Variants in TRIM27 observed in about 807,000 individuals in gnomAD.
TRIM27 encodes zinc finger protein RFP.
Under a neutral mutation model 57.6 loss-of-function variants are expected in TRIM27, and 12 were observed. The observed-to-expected ratio is 0.21, with a 90% CI of 0.13 to 0.34. The LOEUF is 0.34. Ranked by LOEUF, TRIM27 falls within the 10% of genes least tolerant of loss-of-function variation. The pLI is 1.00. For missense variants in TRIM27, 403 were observed against 656.8 expected, an observed-to-expected ratio of 0.61 and a Z score of 4.22; for synonymous variants, 266 against 259.0, an observed-to-expected ratio of 1.03 and a Z score of -0.26.
chr6:28,910,487 G>A (rs980415115), intron 4 of TRIM27, among the ~76,000 whole-genome samples: 2 of 152,020 alleles, frequency 1.3e-5, no homozygotes, highest in African/African-American at 2.4e-5. Flanking sequence ...GCACCACCAC[G>A]CCCAGCTAAT....
Position 28,923,912 on chromosome 6 carries a change from C to CA in TRIM27, c.-281dup. The CA allele has an allele frequency of 4.5e-6, 2 of 440,720 alleles. No individual in the cohort carries two copies. Among genetic ancestry groups the CA allele is most frequent in the Non-Finnish European group, 8.0e-6 (2 of 249,942 alleles). 27.3% of individuals were successfully genotyped at this position (440,720 alleles called of 1,614,324 possible). A position where few individuals can be genotyped will look rare whatever the true frequency, so the allele number is the denominator to read the frequency against. On this transcript the variant is annotated 5_prime_UTR_variant, in exon 1 of 8. Transcript: ENST00000377199. ...GGGGCAGGAAAGGGTAGCCGAGGGT[C>CA]AGAGTCCCAGGGCCAGGCGGGCAAA...
chr6:28,922,383 G>A (rs905409197), intron 1 of TRIM27, among the ~76,000 whole-genome samples: 6 of 152,188 alleles, frequency 3.9e-5, no homozygotes, highest in African/African-American at 1.4e-4. Context: ...TTTCCCTCAT[G>A]TGTGAAATGG....
intron 2 of TRIM27, 87 bp downstream of exon 2, chr6:28,921,805 T>A: frequency 9.1e-7 from 1 of 1,098,114 alleles, no homozygotes; most frequent in Non-Finnish European, 1.4e-6. Context: ...CTGGGTGACA[T>A]GCTGGACAAG....
chr6:28,913,114 G>A (rs1455347969), intron 3 of TRIM27, among the ~76,000 whole-genome samples: 1 of 151,860 alleles, frequency 6.6e-6, no homozygotes, highest in Admixed American at 6.6e-5. Flanking sequence ...AATTAGCCGG[G>A]CATGGTGGCG....
chr6:28,917,987 C>T (rs1380866400), intron 3 of TRIM27, among the ~76,000 whole-genome samples: 1 of 151,980 alleles, frequency 6.6e-6, no homozygotes, highest in Non-Finnish European at 1.5e-5. Context: ...CCACCACACC[C>T]GGCTAATTTT....
At position 28,923,203 on chromosome 6, in the gene TRIM27, G is replaced by A. The variant is rs1774186316; in HGVS notation, c.420+10C>T. The A allele has an allele frequency of 5.2e-6, 8 of 1,545,176 alleles. No individual in the cohort carries two copies. The highest frequency in any genetic ancestry group is 7.0e-6 in the Non-Finnish European group (8 of 1,141,332). On this transcript the variant is annotated intron_variant, in intron 1 of 7. Coordinates refer to ENST00000377199, the MANE Select transcript of TRIM27 (RefSeq NM_006510.5). ...CTCGCGCTCCCGCCCTCCCGGATCC[G>A]CGCCCTCACCTTGAAGCCCTCCACC...
chr6:28,913,303 ATG>A (rs1214366549), intron 3 of TRIM27, among the ~76,000 whole-genome samples: 2 of 149,034 alleles, frequency 1.3e-5, no homozygotes, highest in Non-Finnish European at 3.0e-5. Context: ...ACGTATGTAT[ATG>A]TGTGTGTATA....
At chr6:28,911,921 C>T (rs925134557) in intron 3 of TRIM27, among the ~76,000 whole-genome samples, 1 of 152,152 alleles carries the variant, frequency 6.6e-6, no homozygotes, top group African/African-American at 2.4e-5. Context: ...GCTATACCAG[C>T]ATTTCCCATA....
At chr6:28,915,230 T>C (rs1455811768) in intron 3 of TRIM27, 1 of 150,822 alleles carries the variant, frequency 6.6e-6, no homozygotes, top group African/African-American at 2.4e-5. Flanking sequence ...GACTTCTTTC[T>C]TTCTCTCCTT....
intron 3 of TRIM27, among the ~76,000 whole-genome samples, chr6:28,913,047 G>C (rs544215530): frequency 6.6e-6 from 1 of 151,978 alleles, no homozygotes; most frequent in African/African-American, 2.4e-5. Flanking sequence ...CCTGAGGTCG[G>C]GAGTTTGGGA....
At chr6:28,907,713 G>T in intron 6 of TRIM27, 1 of 409,512 alleles carries the variant, frequency 2.4e-6, no homozygotes, top group Non-Finnish European at 4.8e-6. Flanking sequence ...CTTTATAGTT[G>T]AAACAGAATT....
intron 3 of TRIM27, among the ~76,000 whole-genome samples, chr6:28,917,674 C>T (rs1339663788): frequency 1.3e-5 from 2 of 151,944 alleles, no homozygotes; most frequent in African/African-American, 4.8e-5. Context: ...TCTCGCAAAC[C>T]AACTGTCTTT....
chr6:28,907,045 C>T, intron 7 of TRIM27, 191 bp downstream of exon 7: 1 of 561,240 alleles, frequency 1.8e-6, no homozygotes, highest in South Asian at 2.4e-5. Flanking sequence ...AGCTCTGAGA[C>T]ATTTCAGGAG....
At chr6:28,920,362 A>G in intron 2 of TRIM27, 120 bp from the exon 3 acceptor site, 1 of 777,280 alleles carries the variant, frequency 1.3e-6, no homozygotes, top group Non-Finnish European at 2.0e-6. Context: ...GCACAGTGCT[A>G]ACTCATTATT....
rs1023703012 is a variant in TRIM27, at chr6:28,921,784, AC to A, written c.516+107del. ...TGCCATGTGCGGTTGATCCACCTCT[AC>A]CTACAAGTTCTGGGTGACATGCTGG... On this transcript the variant is annotated intron_variant, in intron 2 of 7. Transcript: ENST00000377199. 39 of 871,108 alleles carry A rather than the reference AC, an allele frequency of 4.5e-5. No individual in the cohort carries two copies. The Admixed American group carries it at 7.0e-4, about 16-fold the overall frequency. The allele number at this position is 871,108 out of a possible 1,614,324, so 54.0% of individuals were successfully genotyped here. A position where few individuals can be genotyped will look rare whatever the true frequency, so the allele number is the denominator to read the frequency against.
At chr6:28,911,757 T>C (rs765287293) in intron 3 of TRIM27, 39 bp from the exon 4 acceptor site, 82 of 1,605,290 alleles carry the variant, frequency 5.1e-5, no homozygotes, top group Non-Finnish European at 6.7e-5. Context: ...TGAGAAGTCA[T>C]TTAAAACTTC....
intron 3 of TRIM27, among the ~76,000 whole-genome samples, chr6:28,914,283 T>C (rs1444549044): frequency 6.6e-6 from 1 of 151,508 alleles, no homozygotes; most frequent in Non-Finnish European, 1.5e-5. Flanking sequence ...TACAGGCATG[T>C]GCCACCACAC....
At chr6:28,913,578 AGT>A (rs199846112) in intron 3 of TRIM27, among the ~76,000 whole-genome samples, 5,307 of 152,108 alleles carry the variant, frequency 0.035, 159 homozygotes, top group African/African-American at 0.08. Context: ...CTGGCATATG[AGT>A]GTCTCTCCGA....
chr6:28,921,773 G>T, intron 2 of TRIM27, 119 bp downstream of exon 2: 1 of 809,242 alleles, frequency 1.2e-6, no homozygotes, highest in African/African-American at 1.7e-5. Context: ...ATGTGCGGTT[G>T]ATCCACCTCT....
Sources: gnomAD v4.1 joint callset for allele counts (sites outside exome capture counted in the v4.1 genomes callset) on GRCh38, gnomAD v4.1.1 for gene constraint, MANE v1.5 for transcripts, NCBI Gene and HGNC (gene_info 2026-07-23, HGNC 2026-07-21) for gene names.